Variants in SFRP1 observed in about 807,000 individuals in gnomAD.
The protein encoded by SFRP1 is secreted frizzled related protein 1.
In SFRP1, 9 loss-of-function variants were observed where a neutral mutation model predicts 25.9. The ratio of observed to expected loss-of-function variants is 0.35; its 90% confidence interval spans 0.21 to 0.61. SFRP1 has a LOEUF of 0.61. Among genes scored for constraint, SFRP1 ranks in the 20% least tolerant of loss-of-function variants. The pLI is 0.78. For synonymous variants in SFRP1, 178 were observed against 174.0 expected (o/e 1.02, Z -0.18); for missense variants, 346 against 418.2 (o/e 0.83, Z 1.51).
At chr8:41,307,216 C>G (rs955626708) in intron 1 of SFRP1, among the ~76,000 whole-genome samples, 1 of 152,170 alleles carries the variant, frequency 6.6e-6, no homozygotes, top group Non-Finnish European at 1.5e-5. Context: ...CAGATGCATC[C>G]GCTACCCTCA....
At chr8:41,288,957 T>C (rs1423749201) in intron 2 of SFRP1, among the ~76,000 whole-genome samples, 1 of 152,186 alleles carries the variant, frequency 6.6e-6, no homozygotes, top group African/African-American at 2.4e-5. Flanking sequence ...TGTCCAGCAG[T>C]GCCCAGCCCT....
intron 2 of SFRP1, among the ~76,000 whole-genome samples, chr8:41,299,123 G>C (rs1338431825): frequency 1.4e-5 from 2 of 142,156 alleles, no homozygotes; most frequent in Non-Finnish European, 3.0e-5. Context: ...CCATGCACAA[G>C]AAGGCTGCTC....
chr8:41,271,079 C>T (rs1057144419), intron 2 of SFRP1: 2 of 154,108 alleles, frequency 1.3e-5, no homozygotes, highest in South Asian at 2.0e-4. Flanking sequence ...AAAGTAGTCA[C>T]GGTCTTTGCC....
chr8:41,305,373 C>T (rs938064402), intron 1 of SFRP1, among the ~76,000 whole-genome samples: 3 of 152,204 alleles, frequency 2.0e-5, no homozygotes, highest in Non-Finnish European at 4.4e-5. Context: ...GGGACATTTT[C>T]CTCAGTCCCG....
intron 2 of SFRP1, among the ~76,000 whole-genome samples, chr8:41,296,083 G>A (rs537698031): frequency 3.3e-5 from 5 of 150,210 alleles, no homozygotes; most frequent in African/African-American, 1.2e-4. Context: ...TGACTATGGG[G>A]CAAGTCCCTC....
intron 1 of SFRP1, among the ~76,000 whole-genome samples, chr8:41,304,219 T>C (rs573289986): frequency 1.3e-5 from 2 of 152,188 alleles, no homozygotes; most frequent in South Asian, 4.2e-4. Flanking sequence ...AGGAGGTTTG[T>C]GGGGGCAGAC....
intron 2 of SFRP1, among the ~76,000 whole-genome samples, chr8:41,287,338 C>T (rs1803717552): frequency 6.6e-6 from 1 of 152,266 alleles, no homozygotes; most frequent in Admixed American, 6.5e-5. Context: ...CTCACAGCTC[C>T]TCTTACACAA....
intron 1 of SFRP1, among the ~76,000 whole-genome samples, chr8:41,304,823 GC>G (rs1803973462): frequency 6.6e-6 from 1 of 152,120 alleles, no homozygotes; most frequent in Admixed American, 6.5e-5. Context: ...GCAGGGCCCA[GC>G]AGAGACCCCA....
At position 41,268,798 on chromosome 8, in the gene SFRP1, T is replaced by C. The variant is rs185212371; in HGVS notation, c.623-3309A>G. The stretch of plus-strand genomic sequence containing the variant: ...CCGGGGCTGCTGGGGCGAGGGCAGG[T>C]GCTGGCCCAAGAGCAGCCCGGAACT... On this transcript the variant is annotated intron_variant, in intron 2 of 2. Coordinates refer to ENST00000220772, the MANE Select transcript of SFRP1 (RefSeq NM_003012.5). 2.5e-3 allele frequency among the ~76,000 whole-genome samples: 374 copies of C among 152,304 alleles called. 2 individuals are homozygous for C. Among genetic ancestry groups the C allele is most frequent in the African/African-American group, 8.4e-3 (349 of 41,556 alleles).
At chr8:41,273,752 G>A (rs1337162815) in intron 2 of SFRP1, among the ~76,000 whole-genome samples, 1 of 152,148 alleles carries the variant, frequency 6.6e-6, no homozygotes, top group Non-Finnish European at 1.5e-5. Context: ...TTAATTTTAG[G>A]TGTCAGCTTG....
Position 41,264,312 on chromosome 8 carries a change from T to C in SFRP1, c.*855A>G, listed in dbSNP as rs1244057191. 6.6e-6 allele frequency: 1 copy of C among 152,222 alleles called. No individual in the cohort carries two copies. The highest frequency in any genetic ancestry group is 2.1e-4 in the South Asian group (1 of 4,826). The allele number at this position is 152,222 out of a possible 1,614,324, so 9.4% of individuals were successfully genotyped here. On this transcript the variant is annotated 3_prime_UTR_variant, in exon 3 of 3. Coordinates refer to ENST00000220772, the MANE Select transcript of SFRP1 (RefSeq NM_003012.5). ...GCAATTTGCTGGACTGTTCTAAAAT[T>C]TTTTTCATTTGTTTCTTTTTTAACT...
chr8:41,275,861 G>A (rs1585507915), intron 2 of SFRP1, among the ~76,000 whole-genome samples: 1 of 152,204 alleles, frequency 6.6e-6, no homozygotes, highest in Non-Finnish European at 1.5e-5. Flanking sequence ...ATCCTTCAGT[G>A]TCAGCCTCCT....
chr8:41,285,137 A>G (rs1409256406), intron 2 of SFRP1, among the ~76,000 whole-genome samples: 1 of 152,240 alleles, frequency 6.6e-6, no homozygotes, highest in African/African-American at 2.4e-5. Flanking sequence ...CTTCACATAT[A>G]GATGCACAGA....
intron 2 of SFRP1, among the ~76,000 whole-genome samples, chr8:41,301,044 C>G (rs187285554): frequency 2.0e-5 from 3 of 152,140 alleles, no homozygotes; most frequent in African/African-American, 7.2e-5. Context: ...CACTGCATGC[C>G]GAGAAGGTCA....
At chr8:41,306,945 A>G in intron 1 of SFRP1, 2 of 1,530,060 alleles carry the variant, frequency 1.3e-6, no homozygotes, top group Non-Finnish European at 1.7e-6. Context: ...TGTGGACTGC[A>G]GCACCTTTTC....
intron 2 of SFRP1, among the ~76,000 whole-genome samples, chr8:41,284,708 G>C (rs531294875): frequency 2.0e-5 from 3 of 152,338 alleles, no homozygotes; most frequent in African/African-American, 7.2e-5. Context: ...GGTGGCGTAG[G>C]GGGAGGGGTC....
rs368521210 is a variant in SFRP1 at position 41,295,595 on chromosome 8, G to A, written c.622+7866C>T. 1.7e-4 allele frequency among the ~76,000 whole-genome samples: 25 copies of A among 151,036 alleles called. No individual in the cohort carries two copies. The East Asian group carries it at 2.1e-3, about 13-fold the overall frequency. On this transcript the variant is annotated intron_variant, in intron 2 of 2. Transcript: ENST00000220772. ...GACCTGGAAGGCTGTATTTCATCTC[G>A]TCCCCATCATCACCATTCATGTGTC... is the stretch of plus-strand genomic sequence containing the variant.
intron 2 of SFRP1, among the ~76,000 whole-genome samples, chr8:41,276,727 CAA>C (rs749542049): frequency 5.3e-5 from 8 of 152,240 alleles, no homozygotes; most frequent in Admixed American, 2.6e-4. Flanking sequence ...ACAAACAAAA[CAA>C]AACAAAAAAC....
At chr8:41,292,153 C>T (rs551028775) in intron 2 of SFRP1, among the ~76,000 whole-genome samples, 3 of 152,338 alleles carry the variant, frequency 2.0e-5, no homozygotes, top group Non-Finnish European at 2.9e-5. Context: ...CTATAGCCAA[C>T]AGAGTTTTCA....
Sources: allele counts gnomAD v4.1 joint callset (sites outside exome capture counted in the v4.1 genomes callset), GRCh38; gene constraint gnomAD v4.1.1; transcripts MANE v1.5; gene names NCBI Gene and HGNC (gene_info 2026-07-23, HGNC 2026-07-21).